CNTNAP5: variants seen among roughly 807,000 people sequenced by gnomAD.
CNTNAP5 encodes the protein contactin associated protein family member 5, also known as contactin-associated protein-like 5.
CNTNAP5 carries 72 observed loss-of-function variants against 150.2 expected under a neutral mutation model. The observed-to-expected ratio is 0.48, with a 90% CI of 0.40 to 0.58. The LOEUF (loss-of-function observed/expected upper bound fraction) is 0.58, where lower values mean the gene tolerates loss of function less well. Ranked by LOEUF, CNTNAP5 falls within the 20% of genes least tolerant of loss-of-function variation. CNTNAP5 has a pLI of 0.00. For synonymous variants in CNTNAP5, 672 were observed against 619.8 expected (o/e 1.08, Z -1.25); for missense variants, 1,636 against 1,626.2 (o/e 1.01, Z -0.10).
intron 19 of CNTNAP5, among the ~76,000 whole-genome samples, chr2:124,849,754 G>A (rs1683118203): frequency 6.6e-6 from 1 of 152,170 alleles, no homozygotes; most frequent in African/African-American, 2.4e-5. Flanking sequence ...ACATGCAATG[G>A]TTCCAGGACA....
chr2:124,308,893 C>T (rs1688754285), intron 3 of CNTNAP5, among the ~76,000 whole-genome samples: 1 of 152,068 alleles, frequency 6.6e-6, no homozygotes, highest in Non-Finnish European at 1.5e-5. Flanking sequence ...AGACCCTGTG[C>T]GTGTTACAAC....
chr2:124,190,279 A>C (rs544992429), intron 1 of CNTNAP5, among the ~76,000 whole-genome samples: 1 of 152,302 alleles, frequency 6.6e-6, no homozygotes, highest in Non-Finnish European at 1.5e-5. Flanking sequence ...TTTTTGAGCA[A>C]ACTTCAAGGG....
chr2:124,142,630 A>T (rs1472215070), intron 1 of CNTNAP5, among the ~76,000 whole-genome samples: 2 of 135,908 alleles, frequency 1.5e-5, no homozygotes, highest in Non-Finnish European at 3.1e-5. Context: ...TCTGGGACGC[A>T]TTCAAAGCAG....
chr2:124,492,476 A>G lies in CNTNAP5; in HGVS notation c.1063-11816A>G, dbSNP rs547242427. 1.7e-4 allele frequency among the ~76,000 whole-genome samples: 26 copies of G among 152,220 alleles called. No individual in the cohort carries two copies. The South Asian group carries it at 4.6e-3, about 27-fold the overall frequency. ...CCAGCATCATACTGTTCTGAGTCCT[A>G]TGGCTTTGTGGTATACCTTGAAATT... On this transcript the variant is annotated intron_variant, in intron 7 of 23. Coordinates refer to ENST00000682447, the MANE Select transcript of CNTNAP5 (RefSeq NM_001367498.1).
At chr2:124,885,167 T>G (rs949296043) in intron 21 of CNTNAP5, among the ~76,000 whole-genome samples, 30 of 151,972 alleles carry the variant, frequency 2.0e-4, no homozygotes, top group Non-Finnish European at 3.7e-4. Flanking sequence ...TGAGTGGAAG[T>G]TGCTGCCCCT....
intron 17 of CNTNAP5, 50 bp downstream of exon 17, chr2:124,773,067 G>A (rs1279357476): frequency 7.0e-7 from 1 of 1,424,306 alleles, no homozygotes; most frequent in Admixed American, 1.7e-5. Context: ...CAAGATCACT[G>A]TGTGACCATG....
chr2:124,264,057 G>T (rs1316534178), intron 3 of CNTNAP5, among the ~76,000 whole-genome samples: 1 of 151,684 alleles, frequency 6.6e-6, no homozygotes, highest in Non-Finnish European at 1.5e-5. Flanking sequence ...TGTAATAATG[G>T]TTTACATTAT....
chr2:124,713,642 C>T (rs902200407), intron 13 of CNTNAP5, among the ~76,000 whole-genome samples: 4 of 151,998 alleles, frequency 2.6e-5, no homozygotes, highest in African/African-American at 4.8e-5. Context: ...TCCTAAAGTG[C>T]TGGGATTACA....
rs71387238 is a variant in CNTNAP5 at position 124,648,636 on chromosome 2, G to GA, written c.2077+686dup. Reference sequence around the variant, plus strand: ...TTAGTTATTAACATGCTTTGAAAAGGAAAAAAAACAAAACAAAACACAACA... The same window carrying GA: ...TTAGTTATTAACATGCTTTGAAAAGGAAAAAAAAACAAAACAAAACACAACA... On this transcript the variant is annotated intron_variant, in intron 13 of 23. Coordinates refer to ENST00000682447, the MANE Select transcript of CNTNAP5 (RefSeq NM_001367498.1). Among the ~76,000 whole-genome samples the GA allele has an allele frequency of 2.5e-3, 381 of 151,348 alleles. 3 individuals are homozygous for GA. Among genetic ancestry groups the GA allele is most frequent in the Non-Finnish European group, 3.7e-3 (251 of 67,778 alleles).
At chr2:124,287,041 C>T (rs780038238) in intron 3 of CNTNAP5, among the ~76,000 whole-genome samples, 1 of 152,164 alleles carries the variant, frequency 6.6e-6, no homozygotes. Flanking sequence ...GCTTCATGTC[C>T]ATCACACATG....
At chr2:124,776,033 A>G (rs1208229536) in intron 17 of CNTNAP5, among the ~76,000 whole-genome samples, 1 of 152,180 alleles carries the variant, frequency 6.6e-6, no homozygotes, top group African/African-American at 2.4e-5. Flanking sequence ...AATGAAAATG[A>G]AGAGACTGTA....
intron 13 of CNTNAP5, among the ~76,000 whole-genome samples, chr2:124,736,310 A>T (rs1461726115): frequency 6.6e-6 from 1 of 152,140 alleles, no homozygotes; most frequent in Non-Finnish European, 1.5e-5. Flanking sequence ...CTAAATAGCC[A>T]TTTTTCTTCC....
At chr2:124,875,047 C>CT (rs1677825763) in intron 21 of CNTNAP5, among the ~76,000 whole-genome samples, 1 of 152,016 alleles carries the variant, frequency 6.6e-6, no homozygotes, top group Non-Finnish European at 1.5e-5. Context: ...TCTGTGAGCA[C>CT]TTACACATGA....
chr2:124,833,442 T>C (rs1682761749), intron 19 of CNTNAP5, among the ~76,000 whole-genome samples: 1 of 152,170 alleles, frequency 6.6e-6, no homozygotes, highest in Non-Finnish European at 1.5e-5. Flanking sequence ...TCCTTATCTG[T>C]ATACTATGGG....
intron 3 of CNTNAP5, among the ~76,000 whole-genome samples, chr2:124,410,943 T>G (rs1691741302): frequency 6.6e-6 from 1 of 151,910 alleles, no homozygotes; most frequent in Non-Finnish European, 1.5e-5. Context: ...ATCCAGGAGC[T>G]GGTTTTTTGA....
chr2:124,425,317 A>G (rs1692214090), intron 4 of CNTNAP5, among the ~76,000 whole-genome samples: 1 of 152,212 alleles, frequency 6.6e-6, no homozygotes, highest in African/African-American at 2.4e-5. Flanking sequence ...TATCGTCTCT[A>G]ATTTTGACAT....
In CNTNAP5 at chr2:124,538,669, A is replaced by G. The variant is rs1247816551; in HGVS notation, c.1649+11213A>G. Among the ~76,000 whole-genome samples, 6 of 152,138 alleles carry G rather than the reference A, an allele frequency of 3.9e-5. No homozygotes were observed. The East Asian group carries it at 9.7e-4, about 24-fold the overall frequency. On this transcript the variant is annotated intron_variant, in intron 10 of 23. Transcript: ENST00000682447. ...AAAGGAAAAAGAAGGAAGGAAAGAAAGAAAGGAAGGAAGAAAGGAAGAAAG... is the reference window on the plus strand; with the variant it reads ...AAAGGAAAAAGAAGGAAGGAAAGAAGGAAAGGAAGGAAGAAAGGAAGAAAG...
chr2:124,775,412 A>G (rs1052977588), intron 17 of CNTNAP5, among the ~76,000 whole-genome samples: 3 of 152,162 alleles, frequency 2.0e-5, no homozygotes, highest in Admixed American at 1.3e-4. Flanking sequence ...ACTGGAATAG[A>G]TTGAGTGTAG....
At chr2:124,137,299 G>C (rs1372749404) in intron 1 of CNTNAP5, among the ~76,000 whole-genome samples, 1 of 94,494 alleles carries the variant, frequency 1.1e-5, no homozygotes, top group African/African-American at 3.5e-5. Flanking sequence ...CTTTTCCTCT[G>C]TAGTTTTTTT....
Sources: allele counts gnomAD v4.1 joint callset (sites outside exome capture counted in the v4.1 genomes callset), GRCh38; gene constraint gnomAD v4.1.1; transcripts MANE v1.5; gene names NCBI Gene and HGNC (gene_info 2026-07-23, HGNC 2026-07-21).